The following PDIA5 variants were observed in gnomAD, a reference collection of about 807,000 sequenced individuals.
PDIA5 encodes the protein protein disulfide isomerase family A member 5, also known as protein disulfide-isomerase A5.
A neutral mutation model predicts 77.6 loss-of-function variants in PDIA5; 58 were observed. That is an observed-to-expected ratio of 0.75 (90% CI 0.61 to 0.93). The LOEUF (loss-of-function observed/expected upper bound fraction) is 0.93, where lower values mean the gene tolerates loss of function less well. Among genes scored for constraint, PDIA5 ranks in the 40% least tolerant of loss-of-function variants. PDIA5 has a pLI of 0.00. For synonymous variants in PDIA5, 250 were observed against 252.1 expected (o/e 0.99, Z 0.08); for missense variants, 630 against 647.7 (o/e 0.97, Z 0.30).
intron 13 of PDIA5, among the ~76,000 whole-genome samples, chr3:123,149,337 T>G (rs1162865508): frequency 6.6e-6 from 1 of 152,138 alleles, no homozygotes; most frequent in African/African-American, 2.4e-5. Context: ...CTTTGAGAAT[T>G]GCAAGGGCTC....
chr3:123,123,276 G>T (rs1375484185), intron 8 of PDIA5, among the ~76,000 whole-genome samples: 6 of 152,198 alleles, frequency 3.9e-5, no homozygotes, highest in Non-Finnish European at 7.3e-5. Flanking sequence ...ATATGAGTCA[G>T]TCTTAGTATT....
At chr3:123,135,755 T>TG (rs1233071096) in intron 11 of PDIA5, among the ~76,000 whole-genome samples, 1 of 149,682 alleles carries the variant, frequency 6.7e-6, no homozygotes, top group Non-Finnish European at 1.5e-5. Context: ...CTTTTTTTTT[T>TG]TTTTTTTTTT....
In PDIA5 at chr3:123,161,344, T is replaced by C. The variant is rs8935; in HGVS notation, c.1368T>C (p.Cys456=). ...AGATTGCCTGTGCCGCTGTTGACTG[T>C]GTCAAAGACAAGAACCAAGACCTGT... The part of the protein sequence containing the change: ...DRKIACAAVD[C]VKDKNQDLCQ... The change falls in exon 16 of 17, where the codon TGT becomes TGC. Residue 456 remains cysteine (C), a synonymous_variant. Coordinates refer to ENST00000316218, the MANE Select transcript of PDIA5 (RefSeq NM_006810.4). The C allele has an allele frequency of 0.3, 487,296 of 1,613,712 alleles. 75,566 individuals are homozygous for C. The highest frequency in any genetic ancestry group is 0.49 in the East Asian group (22,111 of 44,856).
intron 15 of PDIA5, 35 bp downstream of exon 15, chr3:123,155,076 G>C (rs2717225): frequency 0.5 from 704,662 of 1,417,642 alleles, 176,303 homozygotes; most frequent in South Asian, 0.53. Flanking sequence ...TGATCTGCCT[G>C]CAGCTAATTC....
chr3:123,115,342 G>T (rs971329764), intron 7 of PDIA5, among the ~76,000 whole-genome samples: 3 of 152,184 alleles, frequency 2.0e-5, no homozygotes, highest in African/African-American at 7.2e-5. Context: ...TCACTCTAAA[G>T]TTTTAGTGGA....
intron 11 of PDIA5, among the ~76,000 whole-genome samples, chr3:123,138,118 T>A (rs910529129): frequency 3.9e-5 from 6 of 152,004 alleles, no homozygotes; most frequent in African/African-American, 9.7e-5. Context: ...GCTAATTTTT[T>A]AAATTTTTAT....
chr3:123,134,511 G>A (rs761016693), intron 11 of PDIA5, among the ~76,000 whole-genome samples: 6 of 152,122 alleles, frequency 3.9e-5, no homozygotes, highest in Non-Finnish European at 7.4e-5. Context: ...ACCCATCACC[G>A]TAAGTGATGA....
Position 123,161,406 on chromosome 3 carries a change from A to G in PDIA5, c.1430A>G (p.His477Arg), listed in dbSNP as rs943922234. The change falls in exon 16 of 17, where the codon CAC (histidine) becomes CGC (arginine). Residue 477 changes from histidine (H) to arginine (R), a missense_variant. His to Arg is a conservative substitution (Grantham distance 29, BLOSUM62 0). Transcript: ENST00000316218. ...QEAVKGYPTF[H>R]YYHYGKFAEK... ...GCGGTCAAGGGCTACCCCACTTTCC[A>G]CTACTACCACTATGGGAAGTTCGCA... The G allele has an allele frequency of 4.3e-6, 7 of 1,614,016 alleles. No homozygotes were observed. Among genetic ancestry groups the G allele is most frequent in the Middle Eastern group, 3.3e-4 (2 of 6,084 alleles).
intron 1 of PDIA5, among the ~76,000 whole-genome samples, chr3:123,072,742 A>T (rs572564479): frequency 1.3e-5 from 2 of 152,276 alleles, no homozygotes; most frequent in South Asian, 4.1e-4. Flanking sequence ...GTTTTGCCCC[A>T]GCTTTGTGGT....
Position 123,161,308 on chromosome 3 carries a change from C to T in PDIA5, c.1345-13C>T, listed in dbSNP as rs760649996. On this transcript the variant is annotated splice_polypyrimidine_tract_variant and intron_variant, in intron 15 of 16. Transcript: ENST00000316218. ...GGACACCCTGTGCCAACTCTCTTTA[C>T]CTTGGCTCCTAGATTGCCTGTGCCG... 3 of 1,612,594 alleles carry T rather than the reference C, an allele frequency of 1.9e-6. No homozygotes were observed. Among genetic ancestry groups the T allele is most frequent in the Non-Finnish European group, 2.5e-6 (3 of 1,179,162 alleles).
chr3:123,091,504 G>A (rs1934281883), intron 2 of PDIA5, among the ~76,000 whole-genome samples: 2 of 152,202 alleles, frequency 1.3e-5, no homozygotes, highest in African/African-American at 4.8e-5. Flanking sequence ...CCACTTTGCA[G>A]TGGATCATTG....
intron 14 of PDIA5, among the ~76,000 whole-genome samples, chr3:123,151,746 G>GCCTT (rs1228803016): frequency 0.017 from 1,538 of 88,382 alleles, 15 homozygotes; most frequent in Middle Eastern, 0.068. Flanking sequence ...CTGCCTGCCT[G>GCCTT]CCTGCCTGCC....
intron 8 of PDIA5, among the ~76,000 whole-genome samples, chr3:123,121,562 C>T (rs1935120406): frequency 6.6e-6 from 1 of 152,204 alleles, no homozygotes; most frequent in Non-Finnish European, 1.5e-5. Context: ...GAGCTCACCC[C>T]AAGCGAAGGT....
chr3:123,089,260 C>A lies in PDIA5; in HGVS notation c.135C>A (p.Thr45=). 1 of 1,614,116 alleles carries A rather than the reference C, an allele frequency of 6.2e-7. No individual in the cohort carries two copies. The highest frequency in any genetic ancestry group is 8.5e-7 in the Non-Finnish European group (1 of 1,179,950). ...AGGACTTGAAAAAACTGCTCAGAAC[C>A]CGGAATAATGTACTGGTGCTTTACT... ...DPKDLKKLLR[T]RNNVLVLYSK... Residue 45 remains threonine, a synonymous_variant, in exon 2 of 17, where the codon ACC becomes ACA. Transcript: ENST00000316218.
At chr3:123,069,652 T>C (rs1232501674) in intron 1 of PDIA5, among the ~76,000 whole-genome samples, 2 of 152,192 alleles carry the variant, frequency 1.3e-5, no homozygotes, top group African/African-American at 4.8e-5. Context: ...GACAGTTCTC[T>C]TGGGTCCCTT....
intron 3 of PDIA5, among the ~76,000 whole-genome samples, chr3:123,096,976 G>A (rs1229536905): frequency 6.6e-6 from 1 of 152,198 alleles, no homozygotes; most frequent in South Asian, 2.1e-4. Flanking sequence ...GTCCTATCAG[G>A]TGCTTGCTAC....
chr3:123,139,265 A>T (rs1935569932), intron 11 of PDIA5, among the ~76,000 whole-genome samples: 1 of 152,096 alleles, frequency 6.6e-6, no homozygotes, highest in African/African-American at 2.4e-5. Flanking sequence ...ACAGCCAGGG[A>T]CATCATGAAG....
At position 123,068,264 on chromosome 3, in the gene PDIA5, G is replaced by A. The variant is rs1030625536; in HGVS notation, c.42+1058G>A. 2.6e-5 allele frequency among the ~76,000 whole-genome samples: 4 copies of A among 152,308 alleles called. No individual in the cohort carries two copies. The East Asian group carries it at 7.7e-4, about 29-fold the overall frequency. On this transcript the variant is annotated intron_variant, in intron 1 of 16. Coordinates refer to ENST00000316218, the MANE Select transcript of PDIA5 (RefSeq NM_006810.4). Reference sequence around the variant, plus strand: ...CCATTTGGGTGTGGCAAGGACACTGGGCAAATGGGAGGAGAAAAGTGTGGG... The same window carrying A: ...CCATTTGGGTGTGGCAAGGACACTGAGCAAATGGGAGGAGAAAAGTGTGGG...
At chr3:123,145,639 C>G in intron 12 of PDIA5, 47 bp downstream of exon 12, 1 of 1,488,758 alleles carries the variant, frequency 6.7e-7, no homozygotes, top group Non-Finnish European at 9.4e-7. Flanking sequence ...GAAAGAATCA[C>G]TGACAGGTGG....
Sources: allele counts gnomAD v4.1 joint callset (sites outside exome capture counted in the v4.1 genomes callset), GRCh38; gene constraint gnomAD v4.1.1; transcripts MANE v1.5; gene names NCBI Gene and HGNC (gene_info 2026-07-23, HGNC 2026-07-21).